Variants in ADGRL3 observed in about 807,000 individuals in gnomAD.
ADGRL3 encodes the protein calcium-independent alpha-latrotoxin receptor 3.
Under a neutral mutation model 153.5 loss-of-function variants are expected in ADGRL3, and 62 were observed. The observed-to-expected ratio is 0.40, with a 90% CI of 0.33 to 0.50. The LOEUF is 0.50. Ranked by LOEUF, ADGRL3 falls within the 20% of genes least tolerant of loss-of-function variation. ADGRL3 has a pLI of 0.47. For missense variants in ADGRL3, 1,641 were observed against 1,859.4 expected (o/e 0.88, Z 2.16); for synonymous variants, 710 against 672.5 (o/e 1.06, Z -0.86).
intron 5 of ADGRL3, among the ~76,000 whole-genome samples, chr4:61,610,639 T>C (rs1169196463): frequency 6.6e-6 from 1 of 152,280 alleles, no homozygotes; most frequent in South Asian, 2.1e-4. Flanking sequence ...CTAGAGAATG[T>C]CACATTTTCT....
intron 9 of ADGRL3, among the ~76,000 whole-genome samples, chr4:61,844,925 G>A (rs942256520): frequency 6.6e-6 from 1 of 151,954 alleles, no homozygotes; most frequent in Non-Finnish European, 1.5e-5. Flanking sequence ...GTTAAAAACA[G>A]CAGAACCATT....
In ADGRL3 at chr4:62,031,377, T is replaced by A; in HGVS notation, c.3423-65T>A. ...ATTTTTTTCAGTGTCGTATTGTTGA[T>A]CTGATATGGTTGTTAATTAAAGATC... On this transcript the variant is annotated intron_variant, in intron 22 of 26. Transcript: ENST00000683033. 3 of 1,321,320 alleles carry A rather than the reference T, an allele frequency of 2.3e-6. No homozygotes were observed. The South Asian group carries it at 4.6e-5, about 20-fold the overall frequency. 81.8% of individuals were successfully genotyped at this position (1,321,320 alleles called of 1,614,324 possible).
At chr4:61,799,803 C>A (rs1254387174) in intron 8 of ADGRL3, among the ~76,000 whole-genome samples, 1 of 152,000 alleles carries the variant, frequency 6.6e-6, no homozygotes, top group Non-Finnish European at 1.5e-5. Flanking sequence ...ATGATACAGG[C>A]AATGATGATG....
intron 4 of ADGRL3, among the ~76,000 whole-genome samples, chr4:61,523,260 G>T (rs1319876797): frequency 2.0e-5 from 3 of 152,222 alleles, no homozygotes; most frequent in African/African-American, 2.4e-5. Flanking sequence ...GTATGAAGAT[G>T]AAAGATATTT....
At chr4:61,545,623 C>T (rs975290400) in intron 4 of ADGRL3, among the ~76,000 whole-genome samples, 2 of 152,192 alleles carry the variant, frequency 1.3e-5, no homozygotes, top group African/African-American at 4.8e-5. Flanking sequence ...AAGTGATTCT[C>T]CGGCCTCAGC....
intron 4 of ADGRL3, among the ~76,000 whole-genome samples, chr4:61,530,260 C>T (rs777653652): frequency 2.5e-4 from 38 of 152,146 alleles, no homozygotes; most frequent in Admixed American, 1.0e-3. Context: ...GCATTTCTGA[C>T]TGTCTCTGCT....
At chr4:61,515,287 C>A (rs916818485) in intron 3 of ADGRL3, among the ~76,000 whole-genome samples, 1 of 152,178 alleles carries the variant, frequency 6.6e-6, no homozygotes. Context: ...AGTCACACAA[C>A]TGAATGTTGT....
At chr4:61,451,377 A>G (rs2097671630) in intron 2 of ADGRL3, among the ~76,000 whole-genome samples, 2 of 152,250 alleles carry the variant, frequency 1.3e-5, no homozygotes, top group African/African-American at 4.8e-5. Context: ...TTAGCTCTGA[A>G]TGAGGAAGGA....
intron 5 of ADGRL3, among the ~76,000 whole-genome samples, chr4:61,608,889 TATA>T (rs1382569179): frequency 6.6e-6 from 1 of 152,212 alleles, no homozygotes; most frequent in African/African-American, 2.4e-5. Context: ...GAAACAAGCT[TATA>T]ATCTTCTTTT....
At position 61,753,376 on chromosome 4, in the gene ADGRL3, C is replaced by T. The variant is rs1008001017; in HGVS notation, c.1399+19822C>T. On this transcript the variant is annotated intron_variant, in intron 8 of 26. Transcript: ENST00000683033. ...ATGATGGCATGAGAATGGAAGTAGCCATTCAATAAATTTCCTGGCTTGTAG... is the reference window on the plus strand; with the variant it reads ...ATGATGGCATGAGAATGGAAGTAGCTATTCAATAAATTTCCTGGCTTGTAG... Among the ~76,000 whole-genome samples the T allele has an allele frequency of 2.0e-5, 3 of 152,216 alleles. No homozygotes were observed. The South Asian group carries it at 6.2e-4, about 32-fold the overall frequency.
At chr4:62,014,442 G>T (rs1482222202) in intron 21 of ADGRL3, among the ~76,000 whole-genome samples, 1 of 152,056 alleles carries the variant, frequency 6.6e-6, no homozygotes, top group Non-Finnish European at 1.5e-5. Context: ...AGTTGGTCTA[G>T]GAAGTATACA....
At chr4:61,276,094 T>C (rs1206851751) in intron 1 of ADGRL3, among the ~76,000 whole-genome samples, 1 of 152,138 alleles carries the variant, frequency 6.6e-6, no homozygotes, top group Non-Finnish European at 1.5e-5. Flanking sequence ...CAAAGGCTGC[T>C]AGACAGAAGA....
chr4:61,945,902 C>A (rs1257342342), intron 15 of ADGRL3, among the ~76,000 whole-genome samples: 1 of 152,168 alleles, frequency 6.6e-6, no homozygotes, highest in Admixed American at 6.5e-5. Flanking sequence ...TCTTCTGCGT[C>A]GCTCACGCTG....
intron 17 of ADGRL3, among the ~76,000 whole-genome samples, chr4:61,979,142 A>C (rs749520616): frequency 1.3e-5 from 2 of 152,216 alleles, no homozygotes; most frequent in African/African-American, 2.4e-5. Flanking sequence ...ATTAGTTGAG[A>C]TACAACTTCC....
intron 1 of ADGRL3, among the ~76,000 whole-genome samples, chr4:61,258,533 T>C (rs2092217695): frequency 6.6e-6 from 1 of 152,198 alleles, no homozygotes; most frequent in Non-Finnish European, 1.5e-5. Context: ...TCCGGATTGT[T>C]GTGAGAACTA....
At chr4:61,222,792 T>G (rs1178868461) in intron 1 of ADGRL3, among the ~76,000 whole-genome samples, 1 of 152,176 alleles carries the variant, frequency 6.6e-6, no homozygotes, top group East Asian at 1.9e-4. Flanking sequence ...CAACATCACT[T>G]TCCCATAATA....
rs915155437 is a variant in ADGRL3, at chr4:61,611,521, A to G, written c.473+24081A>G. Among the ~76,000 whole-genome samples, 8 of 152,172 alleles carry G rather than the reference A, an allele frequency of 5.3e-5. 1 individual carries two copies. Among genetic ancestry groups the G allele is most frequent in the Non-Finnish European group, 1.2e-4 (8 of 68,020 alleles). On this transcript the variant is annotated intron_variant, in intron 5 of 26. Coordinates refer to ENST00000683033, the MANE Select transcript of ADGRL3 (RefSeq NM_001387552.1). The stretch of plus-strand genomic sequence containing the variant: ...ATTAGCAAGCTGTCAGAGTGCCTCT[A>G]GGGAGGCAAGCTGTTCTCCCTGGGA...
rs2097135225 is a variant in ADGRL3, at chr4:61,775,386, T to C, written c.1400-38423T>C. The stretch of plus-strand genomic sequence containing the variant: ...TACAGTAATGGAAAAGCTAAAATTT[T>C]CTTTTTTTTCTTTCTTTGTGTGTGT... On this transcript the variant is annotated intron_variant, in intron 8 of 26. Coordinates refer to ENST00000683033, the MANE Select transcript of ADGRL3 (RefSeq NM_001387552.1). The C allele has an allele frequency of 8.2e-6, 4 of 486,946 alleles. No individual in the cohort carries two copies. The South Asian group carries it at 8.7e-5, about 11-fold the overall frequency. 30.2% of individuals were successfully genotyped at this position (486,946 alleles called of 1,614,324 possible). A position where few individuals can be genotyped will look rare whatever the true frequency, so the allele number is the denominator to read the frequency against.
At chr4:61,780,552 A>G (rs1170463934) in intron 8 of ADGRL3, among the ~76,000 whole-genome samples, 4 of 152,228 alleles carry the variant, frequency 2.6e-5, no homozygotes, top group Admixed American at 6.5e-5. Flanking sequence ...TCATACTCAA[A>G]AATAGGAACA....
Sources: allele counts gnomAD v4.1 joint callset (sites outside exome capture counted in the v4.1 genomes callset), GRCh38; gene constraint gnomAD v4.1.1; transcripts MANE v1.5; gene names NCBI Gene and HGNC (gene_info 2026-07-23, HGNC 2026-07-21).